COL21A1: variants seen among roughly 807,000 people sequenced by gnomAD.
COL21A1 encodes collagen alpha-1(XXI) chain.
Under a neutral mutation model 137.9 loss-of-function variants are expected in COL21A1, and 149 were observed. The ratio of observed to expected loss-of-function variants is 1.08; its 90% CI spans 0.95 to 1.24. The LOEUF (loss-of-function observed/expected upper bound fraction) is 1.24, where lower values mean the gene tolerates loss of function less well. Among genes scored for constraint, COL21A1 ranks in the 50% most tolerant of loss-of-function variants. COL21A1 has a pLI of 0.00. For synonymous variants in COL21A1, 456 were observed against 391.5 expected, an observed-to-expected ratio of 1.16 and a Z score of -1.95; for missense variants, 1,167 against 1,158.4, an observed-to-expected ratio of 1.01 and a Z score of -0.11.
chr6:56,228,496 C>T (rs916558559), intron 1 of COL21A1, among the ~76,000 whole-genome samples: 4 of 151,192 alleles, frequency 2.6e-5, no homozygotes, highest in Non-Finnish European at 5.9e-5. Context: ...AATTTTCCTG[C>T]TAGAGGGTAG....
At chr6:56,184,553 C>T (rs1197141518) in intron 1 of COL21A1, among the ~76,000 whole-genome samples, 1 of 152,098 alleles carries the variant, frequency 6.6e-6, no homozygotes, top group Admixed American at 6.6e-5. Flanking sequence ...GTTGGGACAA[C>T]ACTATTATTA....
At chr6:56,233,530 T>A (rs1478878861) in intron 1 of COL21A1, among the ~76,000 whole-genome samples, 1 of 151,656 alleles carries the variant, frequency 6.6e-6, no homozygotes, top group Non-Finnish European at 1.5e-5. Flanking sequence ...AATAGCTAGA[T>A]GGAAAATCAA....
At position 56,089,357 on chromosome 6, in the gene COL21A1, A is replaced by G. The variant is rs545008609; in HGVS notation, c.1813-11784T>C. Among the ~76,000 whole-genome samples, 6 of 152,320 alleles carry G rather than the reference A, an allele frequency of 3.9e-5. No homozygotes were observed. In the South Asian group the frequency reaches 1.0e-3, roughly 26 times the overall value. ...ATGTATGTTCTGTAAATGTTTGTGT[A>G]TGTAAGTTGTGATCAATTTTAAATT... On this transcript the variant is annotated intron_variant, in intron 17 of 29. Coordinates refer to ENST00000244728, the MANE Select transcript of COL21A1 (RefSeq NM_030820.4).
At chr6:56,254,942 T>C (rs1782932254) in intron 1 of COL21A1, among the ~76,000 whole-genome samples, 1 of 152,194 alleles carries the variant, frequency 6.6e-6, no homozygotes, top group African/African-American at 2.4e-5. Context: ...TTTTTTTCTG[T>C]CATGATAAGC....
intron 1 of COL21A1, among the ~76,000 whole-genome samples, chr6:56,276,195 A>G (rs1763644604): frequency 6.6e-6 from 1 of 152,190 alleles, no homozygotes; most frequent in South Asian, 2.1e-4. Context: ...GATGGGGACA[A>G]TAGACACTGT....
chr6:56,128,834 T>C (rs989791749), intron 12 of COL21A1, among the ~76,000 whole-genome samples: 7 of 152,146 alleles, frequency 4.6e-5, no homozygotes. Flanking sequence ...TTTGTATTTT[T>C]AGTAGAGACA....
chr6:56,264,705 A>G (rs533754302), intron 1 of COL21A1, among the ~76,000 whole-genome samples: 3 of 152,276 alleles, frequency 2.0e-5, no homozygotes, highest in African/African-American at 7.2e-5. Context: ...CCTCAATCCG[A>G]TACTAGTCTG....
intron 1 of COL21A1, among the ~76,000 whole-genome samples, chr6:56,219,512 C>T (rs1780698614): frequency 6.6e-6 from 1 of 152,052 alleles, no homozygotes; most frequent in Admixed American, 6.6e-5. Context: ...ATTCACCTGA[C>T]CTCTTGCCAA....
chr6:56,204,772 C>T (rs765514728), intron 1 of COL21A1, among the ~76,000 whole-genome samples: 1 of 152,164 alleles, frequency 6.6e-6, no homozygotes, highest in Non-Finnish European at 1.5e-5. Context: ...GATGAAACTT[C>T]CAGAGGAAGG....
At chr6:56,183,433 A>G (rs9475594) in intron 1 of COL21A1, among the ~76,000 whole-genome samples, 3,293 of 152,298 alleles carry the variant, frequency 0.022, 121 homozygotes, top group African/African-American at 0.075. Flanking sequence ...GCCACAGCAT[A>G]TAAAAAATCA....
At chr6:56,088,558 C>A (rs1033227147) in intron 17 of COL21A1, among the ~76,000 whole-genome samples, 1 of 152,020 alleles carries the variant, frequency 6.6e-6, no homozygotes, top group East Asian at 1.9e-4. Context: ...CTTTTTTTTA[C>A]AATGGTCCTT....
chr6:56,285,535 C>T (rs1357209494), intron 1 of COL21A1, among the ~76,000 whole-genome samples: 2 of 152,098 alleles, frequency 1.3e-5, no homozygotes, highest in Non-Finnish European at 2.9e-5. Flanking sequence ...AATAAATATA[C>T]TTTAAAGGGG....
At position 56,246,682 on chromosome 6, in the gene COL21A1, G is replaced by T. The variant is rs76637567; in HGVS notation, c.-39+705C>A. Among the ~76,000 whole-genome samples, 538 of 152,234 alleles carry T rather than the reference G, an allele frequency of 3.5e-3. 3 individuals carry two copies. Among genetic ancestry groups the T allele is most frequent in the African/African-American group, 0.013 (523 of 41,536 alleles). Reference sequence around the variant, plus strand: ...CAGGTTTCTGGGCACCAGCCTCAGGGTTTTAGGTTCAGTGGGTCTAGGGCG... The same window carrying T: ...CAGGTTTCTGGGCACCAGCCTCAGGTTTTTAGGTTCAGTGGGTCTAGGGCG... On this transcript the variant is annotated intron_variant, in intron 1 of 29. Coordinates refer to ENST00000244728, the MANE Select transcript of COL21A1 (RefSeq NM_030820.4).
At chr6:56,281,153 C>T (rs1449699490) in intron 1 of COL21A1, among the ~76,000 whole-genome samples, 2 of 152,196 alleles carry the variant, frequency 1.3e-5, no homozygotes, top group African/African-American at 2.4e-5. Context: ...CCAAGTATTC[C>T]TATTCCTAAT....
intron 1 of COL21A1, among the ~76,000 whole-genome samples, chr6:56,320,070 C>A (rs1764829582): frequency 6.6e-6 from 1 of 152,114 alleles, no homozygotes; most frequent in Non-Finnish European, 1.5e-5. Context: ...TAATAAGTCT[C>A]TCAAAGCAAC....
At chr6:56,282,240 A>C (rs1002490038) in intron 1 of COL21A1, among the ~76,000 whole-genome samples, 4 of 152,164 alleles carry the variant, frequency 2.6e-5, no homozygotes, top group Non-Finnish European at 5.9e-5. Context: ...ATTTCAATAG[A>C]ATTCTAAAGA....
At chr6:56,094,751 T>C (rs1160363026) in intron 17 of COL21A1, among the ~76,000 whole-genome samples, 1 of 152,154 alleles carries the variant, frequency 6.6e-6, no homozygotes, top group Non-Finnish European at 1.5e-5. Context: ...GCTAGGCAAA[T>C]ACCAATCCAT....
intron 1 of COL21A1, among the ~76,000 whole-genome samples, chr6:56,281,748 A>G (rs960877535): frequency 6.6e-6 from 1 of 152,186 alleles, no homozygotes; most frequent in African/African-American, 2.4e-5. Context: ...GAAATAATAG[A>G]AATACCTGAT....
chr6:56,061,026 C>A lies in COL21A1; in HGVS notation c.2217G>T (p.Lys739Asn). The A allele has an allele frequency of 6.3e-7, 1 of 1,583,862 alleles. No homozygotes were observed. The highest frequency in any genetic ancestry group is 2.0e-5 in the Admixed American group (1 of 50,570). ...HHGAKGERGEKGEPGVRGAIG... is the reference protein window; with the variant it reads ...HHGAKGERGENGEPGVRGAIG... ...TGGCACCTCGGACACCAGGTTCTCC[C>A]TTTTCACCTCTCTAAAAGCAAAAGA... The change falls in exon 26 of 30, where the codon AAG (lysine) becomes AAT (asparagine). Residue 739 changes from lysine to asparagine, a missense_variant. Lys to Asn is a moderately conservative substitution (Grantham distance 94, BLOSUM62 0). Transcript: ENST00000244728.
Sources: gnomAD v4.1 joint callset for allele counts (sites outside exome capture counted in the v4.1 genomes callset) on GRCh38, gnomAD v4.1.1 for gene constraint, MANE v1.5 for transcripts, NCBI Gene and HGNC (gene_info 2026-07-23, HGNC 2026-07-21) for gene names.